DDAH1: variants seen among roughly 807,000 people sequenced by gnomAD.
The protein encoded by DDAH1 is dimethylarginine dimethylaminohydrolase 1, also known as N(G),N(G)-dimethylarginine dimethylaminohydrolase 1.
In DDAH1, 19 loss-of-function variants were observed where a neutral mutation model predicts 28.8. The observed-to-expected ratio is 0.66, with a 90% CI of 0.46 to 0.97. The LOEUF (loss-of-function observed/expected upper bound fraction) is 0.97, where lower values mean the gene tolerates loss of function less well. Ranked by LOEUF, DDAH1 falls within the 50% of genes least tolerant of loss-of-function variation. The pLI is 0.00. For synonymous variants in DDAH1, 153 were observed against 154.4 expected (o/e 0.99, Z 0.07); for missense variants, 326 against 375.9 (o/e 0.87, Z 1.10).
intron 1 of DDAH1, among the ~76,000 whole-genome samples, chr1:85,444,530 T>A (rs1052695446): frequency 6.6e-6 from 1 of 152,202 alleles, no homozygotes; most frequent in African/African-American, 2.4e-5. Context: ...AGAACAAGGC[T>A]AGGCTTAACC....
At chr1:85,338,165 T>A (rs955437692) in intron 4 of DDAH1, among the ~76,000 whole-genome samples, 3 of 152,308 alleles carry the variant, frequency 2.0e-5, no homozygotes, top group Middle Eastern at 3.4e-3. Context: ...TTTCTCTATG[T>A]CTGAGGGACT....
intron 1 of DDAH1, among the ~76,000 whole-genome samples, chr1:85,530,098 T>G (rs1658038260): frequency 1.3e-5 from 2 of 152,222 alleles, no homozygotes; most frequent in African/African-American, 4.8e-5. Context: ...AGATGTCAGT[T>G]TTTGGCTTAT....
chr1:85,514,399 G>T (rs1403939970), intron 1 of DDAH1, among the ~76,000 whole-genome samples: 1 of 151,946 alleles, frequency 6.6e-6, no homozygotes, highest in East Asian at 1.9e-4. Context: ...TTGGGAGCTG[G>T]GGGATAGCAT....
At chr1:85,374,841 T>C (rs1273213072) in intron 1 of DDAH1, among the ~76,000 whole-genome samples, 1 of 152,122 alleles carries the variant, frequency 6.6e-6, no homozygotes, top group African/African-American at 2.4e-5. Flanking sequence ...TTAGATTTTC[T>C]GAAAAAAATT....
rs985426858 is a variant in DDAH1, at chr1:85,464,297, C to A, written c.303+446G>T. Among the ~76,000 whole-genome samples, 2 of 152,186 alleles carry A rather than the reference C, an allele frequency of 1.3e-5. No individual in the cohort carries two copies. The highest frequency in any genetic ancestry group is 2.1e-4 in the South Asian group (1 of 4,836). On this transcript the variant is annotated intron_variant, in intron 1 of 5. Coordinates refer to ENST00000284031, the MANE Select transcript of DDAH1 (RefSeq NM_012137.4). This position sits in a 1 kb window ranked among gnomAD's most constrained non-coding sequence, Gnocchi z 4.4. ...TTCATCCAGCTTGTCCTGCTCCGAG[C>A]GCCAGGCAGGACTTGGGGGCTTCGG...
intron 1 of DDAH1, among the ~76,000 whole-genome samples, chr1:85,553,374 C>G (rs112060648): frequency 1.3e-5 from 2 of 152,196 alleles, no homozygotes; most frequent in African/African-American, 4.8e-5. Flanking sequence ...TTTTACTCTG[C>G]TTTTTATTCC....
intron 1 of DDAH1, among the ~76,000 whole-genome samples, chr1:85,546,651 T>TA (rs1658636375): frequency 6.6e-6 from 1 of 152,146 alleles, no homozygotes; most frequent in African/African-American, 2.4e-5. Context: ...ACTCTTTTAT[T>TA]AAAAATCTAA....
chr1:85,438,346 T>A (rs1277159729), intron 1 of DDAH1, among the ~76,000 whole-genome samples: 2 of 152,128 alleles, frequency 1.3e-5, no homozygotes, highest in Admixed American at 6.5e-5. Flanking sequence ...AAGAAAAAAA[T>A]TTTAGGGCTC....
intron 1 of DDAH1, among the ~76,000 whole-genome samples, chr1:85,571,287 A>T (rs924773150): frequency 6.6e-6 from 1 of 152,202 alleles, no homozygotes; most frequent in Non-Finnish European, 1.5e-5. Context: ...GAAAGTTCTC[A>T]CTTTTAGATG....
chr1:85,444,444 T>C (rs1316141565), intron 1 of DDAH1, among the ~76,000 whole-genome samples: 1 of 152,154 alleles, frequency 6.6e-6, no homozygotes, highest in East Asian at 1.9e-4. Flanking sequence ...ACTTTTGCAT[T>C]GATGTTCATC....
chr1:85,480,441 C>T (rs1194648589), intron 2 of DDAH1, among the ~76,000 whole-genome samples: 1 of 152,138 alleles, frequency 6.6e-6, no homozygotes, highest in East Asian at 1.9e-4. Context: ...TTTCTCCATT[C>T]ATCATTTTAA....
At chr1:85,561,718 G>C (rs2100804819) in intron 1 of DDAH1, among the ~76,000 whole-genome samples, 1 of 152,266 alleles carries the variant, frequency 6.6e-6, no homozygotes, top group African/African-American at 2.4e-5. Context: ...TAACATGTTA[G>C]GTGTAATGAT....
chr1:85,476,460 G>T (rs1655808546), intron 2 of DDAH1, among the ~76,000 whole-genome samples: 1 of 152,100 alleles, frequency 6.6e-6, no homozygotes, highest in Admixed American at 6.5e-5. Flanking sequence ...CACATCTCTA[G>T]TGCCTCAGTG....
rs184202432 is a variant in DDAH1 at position 85,430,334 on chromosome 1, A to T, written c.303+34409T>A. Among the ~76,000 whole-genome samples the T allele has an allele frequency of 1.4e-4, 22 of 152,234 alleles. No homozygotes were observed. In the East Asian group the frequency reaches 4.1e-3, roughly 28 times the overall value. On this transcript the variant is annotated intron_variant, in intron 1 of 5. Transcript: ENST00000284031. ...GTATAGTTTGAAGTCAGGTAGTGTG[A>T]TGCCTCCAGCTTTGTTCTTTTTGCT...
intron 2 of DDAH1, among the ~76,000 whole-genome samples, chr1:85,471,322 C>T (rs1011115175): frequency 2.0e-5 from 3 of 152,080 alleles, no homozygotes; most frequent in African/African-American, 7.2e-5. Context: ...TTTGCTAGTC[C>T]CTGGGTTCCT....
intron 1 of DDAH1, among the ~76,000 whole-genome samples, chr1:85,503,340 G>C (rs2100741839): frequency 6.6e-6 from 1 of 152,256 alleles, no homozygotes; most frequent in Non-Finnish European, 1.5e-5. Context: ...GAGTTGCTGA[G>C]ATTACAGGTA....
chr1:85,391,221 C>A (rs532496225), intron 1 of DDAH1, among the ~76,000 whole-genome samples: 1 of 152,222 alleles, frequency 6.6e-6, no homozygotes, highest in Non-Finnish European at 1.5e-5. Flanking sequence ...GGAAGTAATC[C>A]CTGAGTGACT....
intron 1 of DDAH1, among the ~76,000 whole-genome samples, chr1:85,508,277 T>G (rs543746249): frequency 1.3e-5 from 2 of 152,374 alleles, no homozygotes; most frequent in African/African-American, 4.8e-5. Flanking sequence ...TCATTGGCAT[T>G]CTTCTCTAAA....
intron 1 of DDAH1, among the ~76,000 whole-genome samples, chr1:85,515,649 G>A (rs1363655704): frequency 5.3e-5 from 8 of 151,920 alleles, no homozygotes; most frequent in African/African-American, 1.9e-4. Context: ...GTTAAAATTT[G>A]TGGAATCTTT....
Sources: allele counts gnomAD v4.1 joint callset (sites outside exome capture counted in the v4.1 genomes callset), GRCh38; gene constraint gnomAD v4.1.1; non-coding constraint Gnocchi (gnomAD v3.1); transcripts MANE v1.5; gene names NCBI Gene and HGNC (gene_info 2026-07-23, HGNC 2026-07-21).